SGCZ: variants seen among roughly 807,000 people sequenced by gnomAD.
SGCZ encodes sarcoglycan zeta.
Under a neutral mutation model 41.3 loss-of-function variants are expected in SGCZ, and 40 were observed. The ratio of observed to expected loss-of-function variants is 0.97; its 90% CI spans 0.75 to 1.26. The LOEUF (loss-of-function observed/expected upper bound fraction) is 1.26. Among genes scored for constraint, SGCZ ranks in the 50% most tolerant of loss-of-function variants. SGCZ has a pLI of 0.00. For missense variants in SGCZ, 552 were observed against 369.8 expected (o/e 1.49, Z -4.04); for synonymous variants, 206 against 137.5 (o/e 1.50, Z -3.49).
intron 2 of SGCZ, among the ~76,000 whole-genome samples, chr8:14,423,604 C>T (rs190522917): frequency 3.8e-4 from 58 of 152,176 alleles, no homozygotes; most frequent in African/African-American, 1.4e-3. Flanking sequence ...TTAGTAGAGA[C>T]AGGGTTTCTC....
At chr8:14,840,686 A>C (rs1334272275) in intron 1 of SGCZ, among the ~76,000 whole-genome samples, 2 of 152,182 alleles carry the variant, frequency 1.3e-5, no homozygotes, top group East Asian at 3.9e-4. Flanking sequence ...AGGATATCTA[A>C]ATAATTTTAT....
At chr8:15,106,879 T>C (rs1055345308) in intron 1 of SGCZ, among the ~76,000 whole-genome samples, 1 of 151,650 alleles carries the variant, frequency 6.6e-6, no homozygotes, top group African/African-American at 2.4e-5. Context: ...AGGAAGGAAA[T>C]GTTTCTCAAC....
intron 4 of SGCZ, among the ~76,000 whole-genome samples, chr8:14,207,052 A>C (rs893293379): frequency 1.5e-4 from 19 of 123,790 alleles, no homozygotes; most frequent in Non-Finnish European, 2.9e-4. Context: ...ATAGCTGCTT[A>C]ATTGGCTAAT....
At chr8:14,929,906 C>T (rs1461114515) in intron 1 of SGCZ, among the ~76,000 whole-genome samples, 2 of 151,850 alleles carry the variant, frequency 1.3e-5, no homozygotes, top group Non-Finnish European at 2.9e-5. Flanking sequence ...CAATTATGGC[C>T]AGGAATCATA....
At chr8:14,797,562 G>A (rs1228308360) in intron 1 of SGCZ, among the ~76,000 whole-genome samples, 1 of 152,192 alleles carries the variant, frequency 6.6e-6, no homozygotes, top group Non-Finnish European at 1.5e-5. Flanking sequence ...AGCCTGACAA[G>A]GCAATAGCAA....
rs1000145787 is a variant in SGCZ at position 14,088,408 on chromosome 8, G to A, written c.*2035C>T. 6.6e-6 allele frequency among the ~76,000 whole-genome samples: 1 copy of A among 151,734 alleles called. No homozygotes were observed. Among genetic ancestry groups the A allele is most frequent in the Non-Finnish European group, 1.5e-5 (1 of 67,808 alleles). On this transcript the variant is annotated 3_prime_UTR_variant, in exon 8 of 8. Transcript: ENST00000382080. ...TTTAATGGAAGGATGATTAGAACTTGAATATGTCTTAAATTAAATTACTAC... is the reference window on the plus strand; with the variant it reads ...TTTAATGGAAGGATGATTAGAACTTAAATATGTCTTAAATTAAATTACTAC...
rs1193141913 is a variant in SGCZ, at chr8:14,177,675, A to ATT, written c.425-12975_425-12974dup. 9.3e-3 allele frequency among the ~76,000 whole-genome samples: 1,036 copies of ATT among 111,328 alleles called. 13 individuals carry two copies. Among genetic ancestry groups the ATT allele is most frequent in the Non-Finnish European group, 0.013 (696 of 54,194 alleles). 73.0% of individuals were successfully genotyped at this position (111,328 alleles called of 152,430 possible). A position where few individuals can be genotyped will look rare whatever the true frequency, so the allele number is the denominator to read the frequency against. On this transcript the variant is annotated intron_variant, in intron 4 of 7. Transcript: ENST00000382080. The stretch of plus-strand genomic sequence containing the variant: ...CAGGCGCCCGCCACCACGCCCTGCT[A>ATT]TTTTTTTTTTTTTTTTTTTTTTGTA...
rs1193026017 is a variant in SGCZ at position 14,418,872 on chromosome 8, A to G, written c.235-94668T>C. On this transcript the variant is annotated intron_variant, in intron 2 of 7. Transcript: ENST00000382080. ...GTCAACAGTTTTGTGGAACCCCCAC[A>G]TTTTATTTTGAAATTTATCAGAAAA... 2.6e-5 allele frequency among the ~76,000 whole-genome samples: 4 copies of G among 151,972 alleles called. No homozygotes were observed. In the East Asian group the frequency reaches 7.7e-4, roughly 29 times the overall value.
rs1316119878 is a variant in SGCZ at position 14,954,030 on chromosome 8, T to C, written c.39+283555A>G. 5.9e-5 allele frequency among the ~76,000 whole-genome samples: 9 copies of C among 152,188 alleles called. No individual in the cohort carries two copies. The East Asian group carries it at 1.7e-3, about 29-fold the overall frequency. ...TTTATATGACAGATAAAACAGTCAA[T>C]GTTGAAAAAATTATGAATTTCTTCT... On this transcript the variant is annotated intron_variant, in intron 1 of 7. Transcript: ENST00000382080.
At chr8:14,772,820 T>A (rs550139928) in intron 1 of SGCZ, among the ~76,000 whole-genome samples, 29 of 152,182 alleles carry the variant, frequency 1.9e-4, no homozygotes, top group African/African-American at 6.7e-4. Flanking sequence ...CTTAATCCAG[T>A]CTATCATTGT....
At chr8:15,166,242 T>TC (rs1164680226) in intron 1 of SGCZ, among the ~76,000 whole-genome samples, 1 of 150,230 alleles carries the variant, frequency 6.7e-6, no homozygotes, top group East Asian at 2.0e-4. Flanking sequence ...CTTTTTTTTT[T>TC]CTTTTTTTTT....
At chr8:14,548,006 A>T (rs1357961545) in intron 2 of SGCZ, among the ~76,000 whole-genome samples, 1 of 152,222 alleles carries the variant, frequency 6.6e-6, no homozygotes, top group East Asian at 1.9e-4. Flanking sequence ...CTTTGTGAAG[A>T]TGGAAGGGCA....
intron 2 of SGCZ, among the ~76,000 whole-genome samples, chr8:14,420,775 A>G (rs1799617424): frequency 2.6e-5 from 4 of 152,232 alleles, no homozygotes; most frequent in African/African-American, 7.2e-5. Flanking sequence ...TCATTACAGT[A>G]TCACTTCTTT....
At chr8:14,914,836 C>A (rs1799379955) in intron 1 of SGCZ, among the ~76,000 whole-genome samples, 1 of 152,152 alleles carries the variant, frequency 6.6e-6, no homozygotes. Flanking sequence ...GATTGTTATG[C>A]AGGCACTTCA....
At chr8:14,457,714 T>C (rs1800789064) in intron 2 of SGCZ, among the ~76,000 whole-genome samples, 1 of 152,168 alleles carries the variant, frequency 6.6e-6, no homozygotes, top group Non-Finnish European at 1.5e-5. Flanking sequence ...CTCCTCTCCC[T>C]CTCTGCCTCG....
At chr8:14,456,877 C>T (rs143797901) in intron 2 of SGCZ, among the ~76,000 whole-genome samples, 38 of 152,156 alleles carry the variant, frequency 2.5e-4, no homozygotes, top group East Asian at 7.8e-4. Flanking sequence ...TTTAAAAGTG[C>T]GTGGTACCTC....
chr8:14,215,171 G>A (rs921213347), intron 4 of SGCZ, among the ~76,000 whole-genome samples: 1 of 152,076 alleles, frequency 6.6e-6, no homozygotes, highest in Non-Finnish European at 1.5e-5. Context: ...TATGTTTCTT[G>A]ACTATACTGA....
intron 3 of SGCZ, among the ~76,000 whole-genome samples, chr8:14,244,397 C>T (rs1014013169): frequency 1.8e-4 from 28 of 152,104 alleles, no homozygotes; most frequent in Non-Finnish European, 3.8e-4. Context: ...CTACGTCATT[C>T]CTTTCCTTAA....
Position 15,006,718 on chromosome 8 carries a change from A to G in SGCZ, c.39+230867T>C, listed in dbSNP as rs116263345. Among the ~76,000 whole-genome samples the G allele has an allele frequency of 7.3e-3, 1,117 of 152,242 alleles. 14 individuals are homozygous for G. Among genetic ancestry groups the G allele is most frequent in the African/African-American group, 0.026 (1,068 of 41,534 alleles). On this transcript the variant is annotated intron_variant, in intron 1 of 7. Coordinates refer to ENST00000382080, the MANE Select transcript of SGCZ (RefSeq NM_139167.4). ...TGTCAAAAGATTAATTAGACTCTAT[A>G]AAAAAATCTTGACGAGATTACATTT...
Sources: allele counts gnomAD v4.1 joint callset (sites outside exome capture counted in the v4.1 genomes callset), GRCh38; gene constraint gnomAD v4.1.1; transcripts MANE v1.5; gene names NCBI Gene and HGNC (gene_info 2026-07-23, HGNC 2026-07-21).